Variants in CSMD1 observed in about 807,000 individuals in gnomAD.
The protein encoded by CSMD1 is CUB and Sushi multiple domains 1, also known as CUB and sushi domain-containing protein 1.
A neutral mutation model predicts 417.5 loss-of-function variants in CSMD1; 213 were observed. The observed-to-expected ratio is 0.51, with a 90% CI of 0.46 to 0.57. CSMD1 has a LOEUF of 0.57. Ranked by LOEUF, CSMD1 falls within the 20% of genes least tolerant of loss-of-function variation. CSMD1 has a pLI of 0.00. For missense variants in CSMD1, 6,923 were observed against 4,529.7 expected (o/e 1.53, Z -15.17); for synonymous variants, 2,862 against 1,736.8 (o/e 1.65, Z -16.11).
At chr8:4,427,405 G>C (rs1349988791) in intron 2 of CSMD1, among the ~76,000 whole-genome samples, 2 of 151,882 alleles carry the variant, frequency 1.3e-5, no homozygotes, top group South Asian at 2.1e-4. Context: ...AGGTACCTTG[G>C]GGTCATAGAA....
intron 2 of CSMD1, among the ~76,000 whole-genome samples, chr8:4,503,525 AC>A (rs1459024112): frequency 6.6e-6 from 1 of 152,222 alleles, no homozygotes; most frequent in Non-Finnish European, 1.5e-5. Flanking sequence ...CACCTGAGAC[AC>A]CGTTAAATCC....
chr8:3,230,040 C>T lies in CSMD1; in HGVS notation c.4345G>A (p.Ala1449Thr). ...ATTTCTAAGTTCTGTTGTCTGATAC[C>T]TATGCATGTAGGAGGGTCTGGTTGC... ...FWQPDPPTCI[A>T]ACGGNLTGPA... Residue 1449 changes from alanine to threonine, a missense_variant and splice_region_variant, in exon 27 of 70, where the codon GCT becomes ACT. Transcript: ENST00000635120. 1 of 1,582,856 alleles carries T rather than the reference C, an allele frequency of 6.3e-7. No homozygotes were observed. Among genetic ancestry groups the T allele is most frequent in the Non-Finnish European group, 8.6e-7 (1 of 1,163,426 alleles).
intron 1 of CSMD1, among the ~76,000 whole-genome samples, chr8:4,795,275 T>G (rs1797915215): frequency 9.1e-6 from 1 of 109,302 alleles, no homozygotes; most frequent in African/African-American, 3.7e-5. Flanking sequence ...TTTTTTTTTT[T>G]TTTTTTTTTT....
At chr8:4,279,193 G>A (rs975016044) in intron 3 of CSMD1, among the ~76,000 whole-genome samples, 2 of 151,608 alleles carry the variant, frequency 1.3e-5, no homozygotes, top group Non-Finnish European at 2.9e-5. Context: ...CTCTGTAAAC[G>A]CAGTATACAC....
chr8:4,975,966 T>C (rs1476949072), intron 1 of CSMD1, among the ~76,000 whole-genome samples: 2 of 152,208 alleles, frequency 1.3e-5, no homozygotes, highest in African/African-American at 4.8e-5. Flanking sequence ...GAAAATCTGC[T>C]TGAAAAAGAA....
intron 3 of CSMD1, among the ~76,000 whole-genome samples, chr8:4,036,517 G>C (rs919181903): frequency 6.6e-6 from 1 of 152,178 alleles, no homozygotes; most frequent in Non-Finnish European, 1.5e-5. Context: ...CCAAGAGACA[G>C]CTACTACCAT....
intron 2 of CSMD1, among the ~76,000 whole-genome samples, chr8:4,476,876 C>CT (rs1446439468): frequency 8.5e-5 from 13 of 152,248 alleles, no homozygotes; most frequent in East Asian, 5.8e-4. Flanking sequence ...AAACTACAGG[C>CT]TTTTTTGTGA....
chr8:4,250,009 A>C (rs996177183), intron 3 of CSMD1, among the ~76,000 whole-genome samples: 1 of 152,134 alleles, frequency 6.6e-6, no homozygotes, highest in Non-Finnish European at 1.5e-5. Flanking sequence ...TGTTTAGGTC[A>C]TAAGGGCTCT....
chr8:3,066,948 G>A (rs1327500734), intron 49 of CSMD1, among the ~76,000 whole-genome samples: 1 of 152,138 alleles, frequency 6.6e-6, no homozygotes, highest in South Asian at 2.1e-4. Flanking sequence ...AAGTTGATGG[G>A]TGTAATTAAA....
intron 49 of CSMD1, among the ~76,000 whole-genome samples, chr8:3,068,455 T>C (rs981271456): frequency 6.6e-6 from 1 of 152,194 alleles, no homozygotes; most frequent in Non-Finnish European, 1.5e-5. Flanking sequence ...ATTCCATTAA[T>C]GACATAATAT....
intron 5 of CSMD1, among the ~76,000 whole-genome samples, chr8:3,938,333 G>C (rs1023605987): frequency 1.3e-5 from 2 of 152,132 alleles, no homozygotes; most frequent in Non-Finnish European, 2.9e-5. Flanking sequence ...GAAGAAAAAA[G>C]CATATAATAC....
intron 1 of CSMD1, among the ~76,000 whole-genome samples, chr8:4,755,526 C>G (rs1322533783): frequency 1.3e-5 from 2 of 152,120 alleles, no homozygotes; most frequent in Non-Finnish European, 2.9e-5. Context: ...GCTTTCAACT[C>G]TGTCTTATAC....
At chr8:3,420,220 G>A (rs6558767) in intron 12 of CSMD1, among the ~76,000 whole-genome samples, 19 of 152,088 alleles carry the variant, frequency 1.2e-4, no homozygotes, top group Admixed American at 3.9e-4. Context: ...CCTGGAAAAC[G>A]TATAACCCCA....
At chr8:3,886,451 C>T (rs1239999780) in intron 5 of CSMD1, among the ~76,000 whole-genome samples, 1 of 152,198 alleles carries the variant, frequency 6.6e-6, no homozygotes, top group East Asian at 1.9e-4. Context: ...CTTTACAAGG[C>T]CAGATAATAA....
At chr8:3,404,459 T>C (rs1304479007) in intron 15 of CSMD1, among the ~76,000 whole-genome samples, 1 of 152,024 alleles carries the variant, frequency 6.6e-6, no homozygotes, top group Admixed American at 6.6e-5. Context: ...GTGGTTGTCA[T>C]GGAGGAGTTT....
chr8:3,984,627 G>C (rs1008549637), intron 5 of CSMD1, among the ~76,000 whole-genome samples: 1 of 147,516 alleles, frequency 6.8e-6, no homozygotes, highest in Non-Finnish European at 1.5e-5. Flanking sequence ...GGTTTCATTT[G>C]AACAAAATGC....
intron 5 of CSMD1, among the ~76,000 whole-genome samples, chr8:3,952,648 G>A (rs953968206): frequency 2.6e-5 from 4 of 152,150 alleles, no homozygotes; most frequent in Non-Finnish European, 5.9e-5. Flanking sequence ...TTTTCCTGGG[G>A]TGATTACAGA....
At chr8:4,165,905 A>G (rs1290600788) in intron 3 of CSMD1, among the ~76,000 whole-genome samples, 9 of 152,228 alleles carry the variant, frequency 5.9e-5, no homozygotes, top group Non-Finnish European at 1.3e-4. Context: ...CTAGCACAGT[A>G]TCAGATATAT....
chr8:4,156,247 T>C (rs965748390), intron 3 of CSMD1, among the ~76,000 whole-genome samples: 4 of 152,168 alleles, frequency 2.6e-5, no homozygotes, highest in Admixed American at 2.6e-4. Flanking sequence ...TCTTTCTTTT[T>C]ACTAACTTTT....
Sources: gnomAD v4.1 joint callset for allele counts (sites outside exome capture counted in the v4.1 genomes callset) on GRCh38, gnomAD v4.1.1 for gene constraint, MANE v1.5 for transcripts, NCBI Gene and HGNC (gene_info 2026-07-23, HGNC 2026-07-21) for gene names.